PASK: variants seen among roughly 807,000 people sequenced by gnomAD.
PASK encodes the protein PAS domain containing serine/threonine kinase.
A neutral mutation model predicts 121.0 loss-of-function variants in PASK; 110 were observed. The ratio of observed to expected loss-of-function variants is 0.91; its 90% CI spans 0.78 to 1.06. The LOEUF is 1.06. PASK is among the 50% of genes least tolerant of loss of function. The pLI, the probability that PASK is intolerant of heterozygous loss-of-function variation, is 0.00. For missense variants in PASK, 1,643 were observed against 1,702.3 expected, an observed-to-expected ratio of 0.97 and a Z score of 0.61; for synonymous variants, 686 against 717.8, an observed-to-expected ratio of 0.96 and a Z score of 0.71.
Position 241,140,652 on chromosome 2 carries a change from C to T in PASK, c.298G>A (p.Glu100Lys), listed in dbSNP as rs199606444. 45 of 1,614,070 alleles carry T rather than the reference C, an allele frequency of 2.8e-5. No homozygotes were observed. The highest frequency in any genetic ancestry group is 1.0e-4 in the Admixed American group (6 of 60,032). The change falls in exon 3 of 18, where the codon GAA (glutamate) becomes AAA (lysine). Residue 100 changes from glutamate (E) to lysine (K), a missense_variant. Around this residue, in one of 3 missense-constraint regions of PASK, gnomAD observed 1,176 missense variants for 1,162.2 expected, o/e 1.01. Transcript: ENST00000234040. The part of the protein sequence containing the change: ...PAAPEHTDPS[E>K]PRGSVSCCSL... ...CAGCAGGACACACTGCCCCGCGGTT[C>T]GGACGGGTCCGTGTGCTCAGGGGCA...
At chr2:241,139,616 C>T in intron 4 of PASK, 1 of 674,528 alleles carries the variant, frequency 1.5e-6, no homozygotes, top group South Asian at 1.5e-5. Context: ...AGCCCTCAGA[C>T]AAAGCAAGGG....
At chr2:241,140,435 T>C (rs1412301939) in intron 3 of PASK, 86 bp downstream of exon 3, 9 of 1,017,178 alleles carry the variant, frequency 8.8e-6, no homozygotes, top group Admixed American at 2.0e-5. Flanking sequence ...GTTTTTCTAA[T>C]TGCATTAAAA....
chr2:241,137,296 C>T lies in PASK; in HGVS notation c.877-32G>A, dbSNP rs374532961. On this transcript the variant is annotated intron_variant, in intron 6 of 17. Coordinates refer to ENST00000234040, the MANE Select transcript of PASK (RefSeq NM_015148.4). ...GAAAGGCTTGTCGTTTGGCTTAAGC[C>T]GTGTTTCACGTGGACAGAGCACTGA... The T allele has an allele frequency of 6.2e-5, 99 of 1,599,206 alleles. No homozygotes were observed. In the African/African-American group the frequency reaches 1.1e-3, roughly 17 times the overall value.
At chr2:241,144,727 T>A (rs2066872880) in intron 1 of PASK, among the ~76,000 whole-genome samples, 1 of 152,078 alleles carries the variant, frequency 6.6e-6, no homozygotes. Flanking sequence ...AGGCCTGGGG[T>A]GAAGAGGAAA....
chr2:241,115,475 C>T, intron 12 of PASK, 62 bp from the exon 13 acceptor site: 1 of 1,592,186 alleles, frequency 6.3e-7, no homozygotes. Context: ...TCCCATTGCA[C>T]CAGGGCCACC....
rs777111708 is a variant in PASK, at chr2:241,139,953, C to T, written c.532G>A (p.Val178Met). The T allele has an allele frequency of 6.2e-7, 1 of 1,614,216 alleles. No individual in the cohort carries two copies. The highest frequency in any genetic ancestry group is 1.1e-5 in the South Asian group (1 of 91,090). The change falls in exon 4 of 18, where the codon GTG (valine) becomes ATG (methionine). Residue 178 changes from valine to methionine, a missense_variant. Physicochemically the swap from Val to Met is conservative, Grantham distance 21 (BLOSUM62 1). This residue lies in a region of PASK where 1,176 missense variants were observed against 1,162.2 expected (regional missense o/e 1.01). Coordinates refer to ENST00000234040, the MANE Select transcript of PASK (RefSeq NM_015148.4). ...TQFFLRSDSDVVEALSEEHME... is the reference protein window; with the variant it reads ...TQFFLRSDSDMVEALSEEHME... The stretch of plus-strand genomic sequence containing the variant: ...TGCTCCTCGCTGAGGGCCTCCACCA[C>T]ATCAGAATCTGACCTCAGAAAGAAC...
intron 9 of PASK, among the ~76,000 whole-genome samples, chr2:241,128,863 A>G (rs2125432846): frequency 9.2e-6 from 1 of 108,166 alleles, no homozygotes; most frequent in South Asian, 3.4e-4. Flanking sequence ...GACCATCTCA[A>G]AAAAAAAAAG....
intron 12 of PASK, 51 bp from the exon 13 acceptor site, chr2:241,115,464 A>G (rs1314205928): frequency 1.9e-6 from 3 of 1,610,072 alleles, no homozygotes; most frequent in Non-Finnish European, 2.5e-6. Context: ...GTCCTCAAGC[A>G]TCCCATTGCA....
At chr2:241,114,899 T>G (rs763284673) in intron 14 of PASK, 144 bp downstream of exon 14, 2 of 1,538,138 alleles carry the variant, frequency 1.3e-6, no homozygotes, top group African/African-American at 2.8e-5. Flanking sequence ...TCTCAAAATA[T>G]ATATCCTACT....
intron 14 of PASK, chr2:241,114,707 T>C: frequency 7.5e-7 from 1 of 1,324,990 alleles, no homozygotes; most frequent in Non-Finnish European, 9.6e-7. Flanking sequence ...ACACATGCCT[T>C]TGAGACGCTC....
At chr2:241,139,570 C>T in intron 4 of PASK, 1 of 610,552 alleles carries the variant, frequency 1.6e-6, no homozygotes, top group Non-Finnish European at 3.2e-6. Flanking sequence ...ATCTGATGTG[C>T]TGCCCGGCAG....
Position 241,126,724 on chromosome 2 carries a change from C to A in PASK, c.2191G>T (p.Ala731Ser), listed in dbSNP as rs2065883053. The change falls in exon 10 of 18, where the codon GCC becomes TCC. Residue 731 changes from alanine (A) to serine (S), a missense_variant. This residue lies in a region of PASK where 1,176 missense variants were observed against 1,162.2 expected (regional missense o/e 1.01). Coordinates refer to ENST00000234040, the MANE Select transcript of PASK (RefSeq NM_015148.4). ...DLPGGLEAVEAQEVDVNSFSW... is the reference protein window; with the variant it reads ...DLPGGLEAVESQEVDVNSFSW... ...AACGAATTCACATCAACCTCCTGGG[C>A]CTCCACTGCTTCCAGGCCCCCAGGG... The A allele has an allele frequency of 6.2e-7, 1 of 1,614,178 alleles. No homozygotes were observed.
chr2:241,126,822 T>G lies in PASK; in HGVS notation c.2093A>C (p.Asp698Ala). ...QAVTAPVSSC[D>A]LGGRDLCGGC... Reference sequence around the variant, plus strand: ...ACCGCACAGGTCTCTGCCTCCCAGATCGCAGGACGACACAGGAGCGGTGAC... The same window carrying G: ...ACCGCACAGGTCTCTGCCTCCCAGAGCGCAGGACGACACAGGAGCGGTGAC... Residue 698 changes from aspartate (D) to alanine (A), a missense_variant, in exon 10 of 18, where the codon GAT becomes GCT. Physicochemically the swap from Asp to Ala is moderately radical, Grantham distance 126. Transcript: ENST00000234040. 1 of 1,613,582 alleles carries G rather than the reference T, an allele frequency of 6.2e-7. No homozygotes were observed. Among genetic ancestry groups the G allele is most frequent in the South Asian group, 1.1e-5 (1 of 91,080 alleles).
At chr2:241,117,465 G>A (rs1360916097) in intron 12 of PASK, among the ~76,000 whole-genome samples, 2 of 152,238 alleles carry the variant, frequency 1.3e-5, no homozygotes, top group Non-Finnish European at 2.9e-5. Flanking sequence ...AAGGAGACAA[G>A]AGGGCAGGCT....
At chr2:241,119,317 C>T (rs2065502443) in intron 12 of PASK, among the ~76,000 whole-genome samples, 1 of 152,156 alleles carries the variant, frequency 6.6e-6, no homozygotes, top group Admixed American at 6.5e-5. Flanking sequence ...CCTGTGCACG[C>T]CACCCCACTT....
intron 9 of PASK, among the ~76,000 whole-genome samples, chr2:241,128,540 C>G (rs998621818): frequency 6.6e-6 from 1 of 152,184 alleles, no homozygotes; most frequent in East Asian, 1.9e-4. Flanking sequence ...CACTCGGGGA[C>G]AGACACACAG....
Position 241,106,702 on chromosome 2 carries a change from G to A in PASK, c.3836C>T (p.Ala1279Val), listed in dbSNP as rs765866099. ...GCTCCTGTTCCCCATCTCCAGGCTC[G>A]CAGCGGACAGAACTCCACTTTCTGA... ...NKPESGVLSA[A>V]SLEMGNRSLS... Residue 1279 changes from alanine to valine, a missense_variant, in exon 18 of 18, where the codon GCG (alanine) becomes GTG (valine). Ala to Val is a moderately conservative substitution (Grantham distance 64, BLOSUM62 0). Coordinates refer to ENST00000234040, the MANE Select transcript of PASK (RefSeq NM_015148.4). The A allele has an allele frequency of 8.7e-6, 14 of 1,613,986 alleles. No individual in the cohort carries two copies. Among genetic ancestry groups the A allele is most frequent in the East Asian group, 2.2e-5 (1 of 44,900 alleles).
chr2:241,150,314 A>C, upstream of PASK: 2 of 1,330,046 alleles, frequency 1.5e-6, no homozygotes, highest in Non-Finnish European at 1.9e-6. Flanking sequence ...GCTCTGGGGG[A>C]GGCGCGGCGC....
At position 241,126,636 on chromosome 2, in the gene PASK, G is replaced by A. The variant is rs1404752975; in HGVS notation, c.2279C>T (p.Ser760Phe). 7 of 1,614,074 alleles carry A rather than the reference G, an allele frequency of 4.3e-6. No homozygotes were observed. The highest frequency in any genetic ancestry group is 1.7e-5 in the Admixed American group (1 of 60,008). The change falls in exon 10 of 18, where the codon TCC (serine) becomes TTC (phenylalanine). Residue 760 changes from serine (S) to phenylalanine (F), a missense_variant. Transcript: ENST00000234040. ...DQTDQTSSNC[S>F]CATSELRETP... is the part of the protein sequence containing the mutation. ...CTCTCTGAGTTCAGACGTAGCACAG[G>A]AACAATTTGATGACGTTTGGTCTGT...
Sources: allele counts gnomAD v4.1 joint callset (sites outside exome capture counted in the v4.1 genomes callset), GRCh38; gene constraint gnomAD v4.1.1; regional missense constraint gnomAD v4.1.1; transcripts MANE v1.5; gene names NCBI Gene and HGNC (gene_info 2026-07-23, HGNC 2026-07-21).